ZNF462: variants seen among roughly 807,000 people sequenced by gnomAD.
The protein encoded by ZNF462 is zinc finger protein 462.
ZNF462 carries 10 observed loss-of-function variants against 201.9 expected under a neutral mutation model. That is an observed-to-expected ratio of 0.05 (90% confidence interval 0.03 to 0.08). ZNF462 has a LOEUF of 0.08. Ranked by LOEUF, ZNF462 falls within the 10% of genes least tolerant of loss-of-function variation. The pLI is 1.00. For missense variants in ZNF462, 2,523 were observed against 3,168.3 expected (o/e 0.80, Z 4.89); for synonymous variants, 1,227 against 1,193.3 (o/e 1.03, Z -0.58).
intron 7 of ZNF462, among the ~76,000 whole-genome samples, chr9:106,957,861 G>A (rs1467245205): frequency 6.6e-6 from 1 of 152,116 alleles, no homozygotes; most frequent in Non-Finnish European, 1.5e-5. Flanking sequence ...CATGGATAAA[G>A]CACTTGGTCA....
At chr9:106,873,101 C>T (rs578214465) in intron 1 of ZNF462, among the ~76,000 whole-genome samples, 32 of 152,194 alleles carry the variant, frequency 2.1e-4, no homozygotes, top group African/African-American at 7.7e-4. Flanking sequence ...CTGCTAATAG[C>T]TTATGTTCTT....
intron 1 of ZNF462, among the ~76,000 whole-genome samples, chr9:106,911,140 G>A (rs1367496545): frequency 6.6e-6 from 1 of 152,182 alleles, no homozygotes; most frequent in African/African-American, 2.4e-5. Context: ...AGCACTTGAA[G>A]TAGCCACAGT....
chr9:106,880,451 T>G lies in ZNF462; in HGVS notation c.-31+17096T>G, dbSNP rs376727984. 7.2e-5 allele frequency among the ~76,000 whole-genome samples: 11 copies of G among 152,340 alleles called. No homozygotes were observed. In the East Asian group the frequency reaches 1.3e-3, roughly 19 times the overall value. ...CTAAATGTAGGTACGAGGGCTGCAT[T>G]AAACCAGTGAGAAGTCCAAGGCTCC... On this transcript the variant is annotated intron_variant, in intron 1 of 12. Transcript: ENST00000277225. The surrounding 1 kb of genome is among the most constrained non-coding windows in gnomAD (Gnocchi z 4.1).
rs578201219 is a variant in ZNF462, at chr9:106,880,726, C to T, written c.-31+17371C>T. 2.6e-5 allele frequency among the ~76,000 whole-genome samples: 4 copies of T among 152,158 alleles called. No homozygotes were observed. The highest frequency in any genetic ancestry group is 5.9e-5 in the Non-Finnish European group (4 of 68,042). On this transcript the variant is annotated intron_variant, in intron 1 of 12. Coordinates refer to ENST00000277225, the MANE Select transcript of ZNF462 (RefSeq NM_021224.6). The surrounding 1 kb of genome is among the most constrained non-coding windows in gnomAD (Gnocchi z 4.1). ...TTAAATGTGTTTGTAGTCAGAACTT[C>T]AGTATAAGGGAAAAGTAAAACATTT...
At chr9:106,875,474 AAG>A (rs1454832862) in intron 1 of ZNF462, among the ~76,000 whole-genome samples, 3 of 152,200 alleles carry the variant, frequency 2.0e-5, no homozygotes, top group African/African-American at 7.2e-5. Context: ...TAAAACGAAA[AAG>A]AGAGTCATCT....
Position 107,011,190 on chromosome 9 carries a change from T to G in ZNF462, c.*160T>G. The G allele has an allele frequency of 1.6e-6, 1 of 627,450 alleles. No homozygotes were observed. Among genetic ancestry groups the G allele is most frequent in the South Asian group, 2.0e-5 (1 of 49,308 alleles). The allele number at this position is 627,450 out of a possible 1,614,324, so 38.9% of individuals were successfully genotyped here. Reference sequence around the variant, plus strand: ...TTCAAAGCACTGGTACCTGTGTGAGTGAGTATGTAAATTAAAGTTATTTAA... The same window carrying G: ...TTCAAAGCACTGGTACCTGTGTGAGGGAGTATGTAAATTAAAGTTATTTAA... On this transcript the variant is annotated 3_prime_UTR_variant, in exon 13 of 13. Transcript: ENST00000277225. This position sits in a 1 kb window ranked among gnomAD's most constrained non-coding sequence, Gnocchi z 5.6.
intron 7 of ZNF462, among the ~76,000 whole-genome samples, chr9:106,944,438 T>G (rs1179709120): frequency 1.3e-5 from 2 of 152,162 alleles, no homozygotes; most frequent in African/African-American, 4.8e-5. Context: ...TTAAAAAAAT[T>G]TAAATTGACA....
intron 1 of ZNF462, among the ~76,000 whole-genome samples, chr9:106,899,637 C>T (rs1828971535): frequency 6.6e-6 from 1 of 152,044 alleles, no homozygotes; most frequent in Non-Finnish European, 1.5e-5. Flanking sequence ...TGCAGGGACA[C>T]CAATCTGAGG....
rs1829122761 is a variant in ZNF462, at chr9:106,902,903, T to G, written c.-30-20451T>G. Among the ~76,000 whole-genome samples the G allele has an allele frequency of 6.6e-6, 1 of 152,158 alleles. No homozygotes were observed. The highest frequency in any genetic ancestry group is 1.5e-5 in the Non-Finnish European group (1 of 68,018). On this transcript the variant is annotated intron_variant, in intron 1 of 12. Coordinates refer to ENST00000277225, the MANE Select transcript of ZNF462 (RefSeq NM_021224.6). The surrounding 1 kb of genome is among the most constrained non-coding windows in gnomAD (Gnocchi z 4.2). ...TTGTTTCATTTATCTTTTGTGTTTTTTTTGTTTGTTTGTTTGAATTTCATT... is the reference window on the plus strand; with the variant it reads ...TTGTTTCATTTATCTTTTGTGTTTTGTTTGTTTGTTTGTTTGAATTTCATT...
Position 106,928,035 on chromosome 9 carries a change from G to C in ZNF462, c.4123G>C (p.Val1375Leu). The C allele has an allele frequency of 6.2e-7, 1 of 1,614,178 alleles. No homozygotes were observed. Among genetic ancestry groups the C allele is most frequent in the Non-Finnish European group, 8.5e-7 (1 of 1,180,044 alleles). ...EAKTYRCRDC[V>L]FEAVSIWDIT... The stretch of plus-strand genomic sequence containing the variant: ...CAAAACCTACAGATGCAGGGACTGT[G>C]TTTTCGAAGCTGTTTCCATCTGGGA... Residue 1375 changes from valine (V) to leucine (L), a missense_variant, in exon 3 of 13, where the codon GTT becomes CTT. Val to Leu is a conservative substitution (Grantham distance 32). Transcript: ENST00000277225. The surrounding 1 kb of genome is among the most constrained non-coding windows in gnomAD (Gnocchi z 9.3).
intron 10 of ZNF462, among the ~76,000 whole-genome samples, chr9:106,985,983 C>G (rs574163941): frequency 8.5e-5 from 13 of 152,292 alleles, no homozygotes; most frequent in African/African-American, 2.9e-4. Flanking sequence ...CTTCCCCAAA[C>G]TTAAGGGTAA....
At chr9:106,912,750 T>G (rs1396588466) in intron 1 of ZNF462, among the ~76,000 whole-genome samples, 3 of 152,198 alleles carry the variant, frequency 2.0e-5, no homozygotes, top group Non-Finnish European at 4.4e-5. Flanking sequence ...TAAGATCTCC[T>G]CTCCATTGGA....
Position 106,895,375 on chromosome 9 carries a change from C to G in ZNF462, c.-30-27979C>G, listed in dbSNP as rs973309627. Among the ~76,000 whole-genome samples, 1 of 152,294 alleles carries G rather than the reference C, an allele frequency of 6.6e-6. No individual in the cohort carries two copies. Among genetic ancestry groups the G allele is most frequent in the South Asian group, 2.1e-4 (1 of 4,824 alleles). On this transcript the variant is annotated intron_variant, in intron 1 of 12. Transcript: ENST00000277225. This position sits in a 1 kb window ranked among gnomAD's most constrained non-coding sequence, Gnocchi z 4.4. ...ATATCATGTAGGCTTGACCCCTCCT[C>G]TTCATCCCCAGTGCGTCGTCTGGCC... is the stretch of plus-strand genomic sequence containing the variant.
Position 107,011,034 on chromosome 9 carries a change from T to G in ZNF462, c.*4T>G. 1.2e-6 allele frequency: 2 copies of G among 1,612,224 alleles called. No homozygotes were observed. Among genetic ancestry groups the G allele is most frequent in the Non-Finnish European group, 1.7e-6 (2 of 1,179,656 alleles). On this transcript the variant is annotated 3_prime_UTR_variant, in exon 13 of 13. Coordinates refer to ENST00000277225, the MANE Select transcript of ZNF462 (RefSeq NM_021224.6). The surrounding 1 kb of genome is among the most constrained non-coding windows in gnomAD (Gnocchi z 5.6). ...TGCAGAGGCCAAAAAAGAATGAGCG[T>G]TTGGTGAAATTCTTAATCAAACCTT...
chr9:106,881,310 T>A (rs746148755), intron 1 of ZNF462, among the ~76,000 whole-genome samples: 1 of 152,122 alleles, frequency 6.6e-6, no homozygotes, highest in Non-Finnish European at 1.5e-5. Context: ...GGGGGACCCT[T>A]TTCTGTCAGT....
At position 107,011,341 on chromosome 9, in the gene ZNF462, T is replaced by A. The variant is rs2132824350; in HGVS notation, c.*311T>A. On this transcript the variant is annotated 3_prime_UTR_variant, in exon 13 of 13. Coordinates refer to ENST00000277225, the MANE Select transcript of ZNF462 (RefSeq NM_021224.6). The surrounding 1 kb of genome is among the most constrained non-coding windows in gnomAD (Gnocchi z 5.6). The stretch of plus-strand genomic sequence containing the variant: ...TGGTACGGTGCACCCTGTGGTGGTC[T>A]TGGACAGTATGTGGAAACAGAAGCT... The A allele has an allele frequency of 3.7e-6, 1 of 272,116 alleles. No homozygotes were observed. Among genetic ancestry groups the A allele is most frequent in the Non-Finnish European group, 7.1e-6 (1 of 141,798 alleles). 16.9% of individuals were successfully genotyped at this position (272,116 alleles called of 1,614,324 possible).
chr9:106,924,841 G>A lies in ZNF462; in HGVS notation c.929G>A (p.Arg310Gln), dbSNP rs760725722. The change falls in exon 3 of 13, where the codon CGG (arginine) becomes CAG (glutamine). Residue 310 changes from arginine (R) to glutamine (Q), a missense_variant. Arg to Gln is a conservative substitution (Grantham distance 43). Coordinates refer to ENST00000277225, the MANE Select transcript of ZNF462 (RefSeq NM_021224.6). This position sits in a 1 kb window ranked among gnomAD's most constrained non-coding sequence, Gnocchi z 6.2. ...STYLTMNAAS[R>Q]EIPNTTVSNF... is the part of the protein sequence containing the mutation. ...TATCTGACCATGAATGCTGCAAGCC[G>A]GGAGATACCCAATACTACCGTCTCC... 45 of 1,614,004 alleles carry A rather than the reference G, an allele frequency of 2.8e-5. No individual in the cohort carries two copies. The highest frequency in any genetic ancestry group is 1.6e-4 in the Middle Eastern group (1 of 6,084).
At chr9:106,894,213 A>G (rs1828712633) in intron 1 of ZNF462, among the ~76,000 whole-genome samples, 1 of 152,222 alleles carries the variant, frequency 6.6e-6, no homozygotes, top group Admixed American at 6.5e-5. Flanking sequence ...TCACTGCCAT[A>G]CTGGGTGCTG....
chr9:106,903,290 G>A (rs1033601748), intron 1 of ZNF462, among the ~76,000 whole-genome samples: 1 of 152,132 alleles, frequency 6.6e-6, no homozygotes, highest in East Asian at 1.9e-4. Context: ...GTCTGAGAGA[G>A]TGCTTAAAAT....
Sources: gnomAD v4.1 joint callset for allele counts (sites outside exome capture counted in the v4.1 genomes callset) on GRCh38, gnomAD v4.1.1 for gene constraint, Gnocchi (gnomAD v3.1) non-coding constraint, MANE v1.5 for transcripts, NCBI Gene and HGNC (gene_info 2026-07-23, HGNC 2026-07-21) for gene names.